FSD1L: variants seen among roughly 807,000 people sequenced by gnomAD.
FSD1L encodes the protein fibronectin type III and SPRY domain containing 1 like.
A neutral mutation model predicts 71.6 loss-of-function variants in FSD1L; 45 were observed. The ratio of observed to expected loss-of-function variants is 0.63; its 90% CI spans 0.49 to 0.81. FSD1L has a LOEUF of 0.81. FSD1L is among the 30% of genes least tolerant of loss of function. FSD1L has a pLI of 0.00. For missense variants in FSD1L, 561 were observed against 618.1 expected (o/e 0.91, Z 0.98); for synonymous variants, 197 against 207.2 (o/e 0.95, Z 0.42).
intron 13 of FSD1L, among the ~76,000 whole-genome samples, chr9:105,540,904 G>C (rs1460118358): frequency 6.6e-6 from 1 of 152,106 alleles, no homozygotes; most frequent in Non-Finnish European, 1.5e-5. Flanking sequence ...TCATAGGTTA[G>C]GTTCCCGTGG....
At position 105,470,513 on chromosome 9, in the gene FSD1L, A is replaced by G. The variant is rs537609216; in HGVS notation, c.340-1391A>G. On this transcript the variant is annotated intron_variant, in intron 4 of 13. Coordinates refer to ENST00000481272, the MANE Select transcript of FSD1L (RefSeq NM_001145313.3). ...GTATGCTGTTCTTTTTGATACTATT[A>G]TAAGTGGATTTTTTCTTTTTTTTCC... Among the ~76,000 whole-genome samples the G allele has an allele frequency of 2.6e-5, 4 of 152,140 alleles. No homozygotes were observed. In the East Asian group the frequency reaches 7.7e-4, roughly 29 times the overall value.
rs187490046 is a variant in FSD1L, at chr9:105,492,616, T to C, written c.586+8114T>C. Among the ~76,000 whole-genome samples, 1,272 of 152,304 alleles carry C rather than the reference T, an allele frequency of 8.4e-3. 24 individuals carry two copies. The highest frequency in any genetic ancestry group is 0.029 in the African/African-American group (1,215 of 41,548). ...TAGGGTGTGAATTTTGGATCTTTTC[T>C]GCTTTCTCTTGTGGGCATTTAGTGT... On this transcript the variant is annotated intron_variant, in intron 7 of 13. Transcript: ENST00000481272.
intron 9 of FSD1L, among the ~76,000 whole-genome samples, chr9:105,510,226 T>C (rs896283040): frequency 2.0e-5 from 3 of 152,188 alleles, no homozygotes; most frequent in Non-Finnish European, 4.4e-5. Flanking sequence ...TCAGCACTTC[T>C]TCACTGTTGA....
intron 4 of FSD1L, among the ~76,000 whole-genome samples, chr9:105,470,056 G>A (rs894572254): frequency 1.9e-4 from 29 of 152,112 alleles, no homozygotes; most frequent in African/African-American, 7.0e-4. Context: ...CTATGTCAGA[G>A]ATCATTCGAT....
chr9:105,521,883 G>T (rs946298138), intron 10 of FSD1L: 1 of 1,612,294 alleles, frequency 6.2e-7, no homozygotes, highest in Admixed American at 1.7e-5. Context: ...TCTTGAACCT[G>T]CAAATGAAAT....
At chr9:105,444,647 G>C (rs1409581386), upstream of FSD1L, among the ~76,000 whole-genome samples, 1 of 152,182 alleles carries the variant, frequency 6.6e-6, no homozygotes, top group East Asian at 1.9e-4. Flanking sequence ...ATCCTAACTT[G>C]AGGTTTCCTC....
chr9:105,495,950 A>G (rs1833365192), intron 7 of FSD1L, among the ~76,000 whole-genome samples: 1 of 150,608 alleles, frequency 6.6e-6, no homozygotes, highest in African/African-American at 2.4e-5. Context: ...GCAGCCTGGC[A>G]GCAGAGTGAG....
chr9:105,449,078 G>A (rs1588895971), intron 1 of FSD1L, among the ~76,000 whole-genome samples: 1 of 152,176 alleles, frequency 6.6e-6, no homozygotes, highest in South Asian at 2.1e-4. Context: ...GGGTAGGAAA[G>A]AAAAAACAAG....
chr9:105,481,073 T>C (rs191943575), intron 6 of FSD1L, among the ~76,000 whole-genome samples: 1 of 151,800 alleles, frequency 6.6e-6, no homozygotes, highest in African/African-American at 2.4e-5. Context: ...TTGCGTCTTC[T>C]AAGCCAGCCT....
intron 10 of FSD1L, chr9:105,526,466 C>T (rs56106112): frequency 6.8e-6 from 11 of 1,612,490 alleles, no homozygotes; most frequent in African/African-American, 6.7e-5. Flanking sequence ...AATGTCTCCT[C>T]GAACTAGCAA....
intron 2 of FSD1L, among the ~76,000 whole-genome samples, chr9:105,462,170 G>A (rs1830742127): frequency 6.6e-6 from 1 of 151,038 alleles, no homozygotes; most frequent in South Asian, 2.1e-4. Flanking sequence ...CCTTTTTTTT[G>A]GTACCAATGT....
chr9:105,456,695 C>T (rs1296625599), intron 1 of FSD1L, among the ~76,000 whole-genome samples: 3 of 152,134 alleles, frequency 2.0e-5, no homozygotes, highest in Non-Finnish European at 2.9e-5. Context: ...TTATGAGGGC[C>T]TGGTAATTGT....
At chr9:105,496,543 AT>A (rs1335575369) in intron 7 of FSD1L, among the ~76,000 whole-genome samples, 2 of 152,172 alleles carry the variant, frequency 1.3e-5, no homozygotes, top group African/African-American at 4.8e-5. Context: ...ATGTCTCTAC[AT>A]TGATTTAGTT....
chr9:105,466,239 A>G (rs1316104589), intron 3 of FSD1L, among the ~76,000 whole-genome samples: 2 of 152,216 alleles, frequency 1.3e-5, no homozygotes, highest in Non-Finnish European at 2.9e-5. Context: ...AAATTTAAGA[A>G]GACAAATGAA....
chr9:105,524,588 T>C, intron 10 of FSD1L: 4 of 1,613,928 alleles, frequency 2.5e-6, no homozygotes, highest in Non-Finnish European at 3.4e-6. Flanking sequence ...GTTTTAGCAA[T>C]CCAAGGTATT....
upstream of FSD1L, among the ~76,000 whole-genome samples, chr9:105,443,335 T>TCTGCAGCTTTCAC (rs907136764): frequency 9.9e-5 from 15 of 152,252 alleles, no homozygotes; most frequent in African/African-American, 2.4e-4. Context: ...ACAGCTTTCA[T>TCTGCAGCTTTCAC]CTGCAGGGAA....
At chr9:105,484,336 CT>C in intron 6 of FSD1L, 44 bp from the exon 7 acceptor site, 1 of 1,331,000 alleles carries the variant, frequency 7.5e-7, no homozygotes, top group Non-Finnish European at 9.9e-7. Context: ...TGATTTGATA[CT>C]TCCTATTTCT....
At position 105,460,629 on chromosome 9, in the gene FSD1L, G is replaced by A. The variant is rs905478333; in HGVS notation, c.16-891G>A. On this transcript the variant is annotated intron_variant, in intron 1 of 13. Transcript: ENST00000481272. The stretch of plus-strand genomic sequence containing the variant: ...AAAAAAAGATTGACTGTAATCTAAG[G>A]GTGGTATTTTTTTGGAGGTATGCGA... Among the ~76,000 whole-genome samples, 4 of 151,884 alleles carry A rather than the reference G, an allele frequency of 2.6e-5. 1 individual carries two copies. The highest frequency in any genetic ancestry group is 4.2e-4 in the South Asian group (2 of 4,800).
At chr9:105,519,636 C>T (rs866326531) in intron 10 of FSD1L, among the ~76,000 whole-genome samples, 6 of 152,190 alleles carry the variant, frequency 3.9e-5, no homozygotes, top group Non-Finnish European at 7.4e-5. Flanking sequence ...AACTAGGTAT[C>T]GATGGAATGT....
Sources: gnomAD v4.1 joint callset for allele counts (sites outside exome capture counted in the v4.1 genomes callset) on GRCh38, gnomAD v4.1.1 for gene constraint, MANE v1.5 for transcripts, NCBI Gene and HGNC (gene_info 2026-07-23, HGNC 2026-07-21) for gene names.